The following TFAP2E variants were observed in gnomAD, a reference collection of about 807,000 sequenced individuals.
The protein encoded by TFAP2E is transcription factor AP-2 epsilon, also known as transcription factor AP-2-epsilon.
Under a neutral mutation model 37.9 loss-of-function variants are expected in TFAP2E, and 30 were observed. The ratio of observed to expected loss-of-function variants is 0.79; its 90% CI spans 0.59 to 1.07. The LOEUF (loss-of-function observed/expected upper bound fraction) is 1.07, where lower values mean the gene tolerates loss of function less well. Ranked by LOEUF, TFAP2E falls within the 50% of genes least tolerant of loss-of-function variation. The pLI is 0.00. For synonymous variants in TFAP2E, 318 were observed against 295.8 expected, an observed-to-expected ratio of 1.08 and a Z score of -0.77; for missense variants, 567 against 637.9, an observed-to-expected ratio of 0.89 and a Z score of 1.20.
chr1:35,591,720 CTT>C (rs532360303), intron 6 of TFAP2E, among the ~76,000 whole-genome samples: 205 of 152,336 alleles, frequency 1.3e-3, no homozygotes, highest in Non-Finnish European at 2.5e-3. Context: ...GAGTTTCGCT[CTT>C]GTTTCCCAGA....
At chr1:35,591,354 A>G (rs1360323269) in intron 6 of TFAP2E, among the ~76,000 whole-genome samples, 2 of 151,776 alleles carry the variant, frequency 1.3e-5, no homozygotes, top group East Asian at 1.9e-4. Flanking sequence ...CACCAGCCCT[A>G]CTCCCCATCG....
chr1:35,579,299 G>A (rs1477899000), intron 3 of TFAP2E, among the ~76,000 whole-genome samples: 1 of 151,350 alleles, frequency 6.6e-6, no homozygotes, highest in African/African-American at 2.4e-5. Context: ...CGGAGGCTGA[G>A]GCAGGAGAAT....
In TFAP2E at chr1:35,577,597, C is replaced by A; in HGVS notation, c.562+2597C>A. The A allele has an allele frequency of 2.7e-6, 1 of 365,734 alleles. No homozygotes were observed. The highest frequency in any genetic ancestry group is 1.9e-5 in the South Asian group (1 of 51,592). 22.7% of individuals were successfully genotyped at this position (365,734 alleles called of 1,614,324 possible). On this transcript the variant is annotated intron_variant, in intron 3 of 6. Coordinates refer to ENST00000373235, the MANE Select transcript of TFAP2E (RefSeq NM_178548.4). This position sits in a 1 kb window ranked among gnomAD's most constrained non-coding sequence, Gnocchi z 6.3. ...GGCTGCGTCGCTGAAGGTTGGGGTC[C>A]TTGGTGCGAAAGGGAGGCAGCTGCA...
Position 35,590,573 on chromosome 1 carries a change from C to A in TFAP2E, c.905-61C>A. ...ACCCCTGACCAGGGGGTCAGAGGTT[C>A]AAAGCTGTGTTCCAGGCGCAGAGGT... On this transcript the variant is annotated intron_variant, in intron 5 of 6. Coordinates refer to ENST00000373235, the MANE Select transcript of TFAP2E (RefSeq NM_178548.4). The surrounding 1 kb of genome is among the most constrained non-coding windows in gnomAD (Gnocchi z 6.2). 1 of 1,408,508 alleles carries A rather than the reference C, an allele frequency of 7.1e-7. No individual in the cohort carries two copies. The highest frequency in any genetic ancestry group is 1.8e-5 in the South Asian group (1 of 54,058). The allele number at this position is 1,408,508 out of a possible 1,614,324, so 87.3% of individuals were successfully genotyped here. A position where few individuals can be genotyped will look rare whatever the true frequency, so the allele number is the denominator to read the frequency against.
chr1:35,588,018 T>C lies in TFAP2E; in HGVS notation c.563-312T>C, dbSNP rs1342609366. ...GCTGCAGGGCCCCAGGGGTCCTGCC[T>C]CCAGCTCACACTCATATCCTTACAT... On this transcript the variant is annotated intron_variant, in intron 3 of 6. Coordinates refer to ENST00000373235, the MANE Select transcript of TFAP2E (RefSeq NM_178548.4). The surrounding 1 kb of genome is among the most constrained non-coding windows in gnomAD (Gnocchi z 5.1). 1.3e-5 allele frequency among the ~76,000 whole-genome samples: 2 copies of C among 152,064 alleles called. No individual in the cohort carries two copies. Among genetic ancestry groups the C allele is most frequent in the Non-Finnish European group, 2.9e-5 (2 of 67,976 alleles).
chr1:35,590,156 C>A lies in TFAP2E; in HGVS notation c.904+108C>A. On this transcript the variant is annotated intron_variant, in intron 5 of 6. Coordinates refer to ENST00000373235, the MANE Select transcript of TFAP2E (RefSeq NM_178548.4). This position sits in a 1 kb window ranked among gnomAD's most constrained non-coding sequence, Gnocchi z 6.2. ...GTGTGTTTAGTGGTGTGTGTGTATC[C>A]GTGTAAGTGTTGCAGTATCTGTGTG... 1 of 1,016,442 alleles carries A rather than the reference C, an allele frequency of 9.8e-7. No individual in the cohort carries two copies. The highest frequency in any genetic ancestry group is 2.3e-4 in the Middle Eastern group (1 of 4,306). 63.0% of individuals were successfully genotyped at this position (1,016,442 alleles called of 1,614,324 possible).
rs986118170 is a variant in TFAP2E, at chr1:35,595,177, C to A, written c.*501C>A. Reference sequence around the variant, plus strand: ...GTGGACTCTTTGTACCCTTCCTACTCTCAGAGAGAAGTGGGCAGGAGGGGT... The same window carrying A: ...GTGGACTCTTTGTACCCTTCCTACTATCAGAGAGAAGTGGGCAGGAGGGGT... On this transcript the variant is annotated 3_prime_UTR_variant, in exon 7 of 7. Coordinates refer to ENST00000373235, the MANE Select transcript of TFAP2E (RefSeq NM_178548.4). 18 of 170,286 alleles carry A rather than the reference C, an allele frequency of 1.1e-4. No homozygotes were observed. The highest frequency in any genetic ancestry group is 5.3e-3 in the Middle Eastern group (2 of 378). The allele number at this position is 170,286 out of a possible 1,614,324, so 10.5% of individuals were successfully genotyped here.
At chr1:35,585,385 A>C (rs1649456389) in intron 3 of TFAP2E, among the ~76,000 whole-genome samples, 1 of 152,238 alleles carries the variant, frequency 6.6e-6, no homozygotes, top group Non-Finnish European at 1.5e-5. Context: ...GGGACTTTGC[A>C]TAAGGTGCCC....
intron 6 of TFAP2E, among the ~76,000 whole-genome samples, chr1:35,592,070 C>T (rs1014776570): frequency 2.6e-5 from 4 of 152,186 alleles, no homozygotes; most frequent in African/African-American, 9.6e-5. Flanking sequence ...TGGTGGATCG[C>T]TTGAGCCCAG....
At chr1:35,594,341 T>C in intron 6 of TFAP2E, 53 bp from the exon 7 acceptor site, 2 of 1,590,224 alleles carry the variant, frequency 1.3e-6, no homozygotes, top group Admixed American at 3.8e-5. Flanking sequence ...AGCAGGTCCT[T>C]CTCTGGGCTC....
At chr1:35,589,188 CTGTGTGTGTGTGTG>C (rs757213879) in intron 4 of TFAP2E, among the ~76,000 whole-genome samples, 85 of 126,028 alleles carry the variant, frequency 6.7e-4, no homozygotes, top group Admixed American at 1.5e-3. Flanking sequence ...GTGTCCTGCT[CTGTGTGTGTGTGTG>C]TGTGTGTGTG....
intron 3 of TFAP2E, among the ~76,000 whole-genome samples, chr1:35,583,028 A>G (rs1649395882): frequency 3.3e-5 from 5 of 151,756 alleles, no homozygotes; most frequent in Admixed American, 2.0e-4. Flanking sequence ...TCAGCCTCCC[A>G]AGTAGCTGGG....
chr1:35,584,640 C>A (rs1417477282), intron 3 of TFAP2E, among the ~76,000 whole-genome samples: 1 of 152,122 alleles, frequency 6.6e-6, no homozygotes, highest in Non-Finnish European at 1.5e-5. Flanking sequence ...TGGGCTCAAG[C>A]AATCCTCCTA....
intron 3 of TFAP2E, among the ~76,000 whole-genome samples, chr1:35,583,232 T>G (rs538123446): frequency 6.6e-6 from 1 of 152,058 alleles, no homozygotes; most frequent in Non-Finnish European, 1.5e-5. Context: ...TTGCTTTTGG[T>G]GTTGTATCTA....
At chr1:35,580,742 C>T (rs910120654) in intron 3 of TFAP2E, among the ~76,000 whole-genome samples, 2 of 151,766 alleles carry the variant, frequency 1.3e-5, no homozygotes, top group African/African-American at 2.4e-5. Flanking sequence ...GCCACTGCAC[C>T]CCAGCCTGGG....
At chr1:35,593,033 G>GA (rs2148555033) in intron 6 of TFAP2E, among the ~76,000 whole-genome samples, 1 of 151,826 alleles carries the variant, frequency 6.6e-6, no homozygotes, top group South Asian at 2.1e-4. Context: ...AGAGGAGGGG[G>GA]ATAGAGAAAG....
Position 35,573,896 on chromosome 1 carries a change from G to C in TFAP2E, c.28-31G>C. On this transcript the variant is annotated intron_variant, in intron 1 of 6. Transcript: ENST00000373235. This position sits in a 1 kb window ranked among gnomAD's most constrained non-coding sequence, Gnocchi z 5.9. Reference sequence around the variant, plus strand: ...GCTGGGGTCCTTTCAGCTGCCAGTGGGTCACCTAAGGCACCCCTCTCCTTC... The same window carrying C: ...GCTGGGGTCCTTTCAGCTGCCAGTGCGTCACCTAAGGCACCCCTCTCCTTC... The C allele has an allele frequency of 1.4e-6, 2 of 1,440,016 alleles. No homozygotes were observed. Among genetic ancestry groups the C allele is most frequent in the Non-Finnish European group, 1.8e-6 (2 of 1,108,624 alleles). The allele number at this position is 1,440,016 out of a possible 1,614,324, so 89.2% of individuals were successfully genotyped here. A position where few individuals can be genotyped will look rare whatever the true frequency, so the allele number is the denominator to read the frequency against.
At chr1:35,595,446 T>C (rs530306405), downstream of TFAP2E, 1 of 127,672 alleles carries the variant, frequency 7.8e-6, no homozygotes, top group African/African-American at 2.9e-5. Context: ...GGCAAAGGGC[T>C]GTGGGTGGGT....
intron 3 of TFAP2E, among the ~76,000 whole-genome samples, chr1:35,581,838 C>T (rs575163476): frequency 7.2e-5 from 11 of 152,070 alleles, no homozygotes; most frequent in African/African-American, 2.7e-4. Context: ...TCCCAAAATG[C>T]TGGGCTTACA....
Sources: allele counts gnomAD v4.1 joint callset (sites outside exome capture counted in the v4.1 genomes callset), GRCh38; gene constraint gnomAD v4.1.1; non-coding constraint Gnocchi (gnomAD v3.1); transcripts MANE v1.5; gene names NCBI Gene and HGNC (gene_info 2026-07-23, HGNC 2026-07-21).